SEZ6L: variants seen among roughly 807,000 people sequenced by gnomAD.
SEZ6L encodes seizure 6-like protein.
A neutral mutation model predicts 106.2 loss-of-function variants in SEZ6L; 37 were observed. The observed-to-expected ratio is 0.35, with a 90% CI of 0.27 to 0.46. The LOEUF is 0.46. Ranked by LOEUF, SEZ6L falls within the 20% of genes least tolerant of loss-of-function variation. The pLI is 1.00. For synonymous variants in SEZ6L, 541 were observed against 570.4 expected (o/e 0.95, Z 0.73); for missense variants, 1,172 against 1,332.8 (o/e 0.88, Z 1.88).
rs74389991 is a variant in SEZ6L, at chr22:26,193,005, C to A, written c.94+23242C>A. Among the ~76,000 whole-genome samples, 571 of 152,250 alleles carry A rather than the reference C, an allele frequency of 3.8e-3. 4 individuals carry two copies. The highest frequency in any genetic ancestry group is 0.012 in the African/African-American group (507 of 41,534). ...ATGATTTCAAGGGTTCACTGTAAAT[C>A]GTAATGAGTACCTACTCTAGCAGGG... is the stretch of plus-strand genomic sequence containing the variant. On this transcript the variant is annotated intron_variant, in intron 1 of 16. Coordinates refer to ENST00000248933, the MANE Select transcript of SEZ6L (RefSeq NM_021115.5).
Position 26,380,432 on chromosome 22 carries a change from A to G in SEZ6L, c.*137A>G. On this transcript the variant is annotated 3_prime_UTR_variant, in exon 17 of 17. Coordinates refer to ENST00000248933, the MANE Select transcript of SEZ6L (RefSeq NM_021115.5). ...TGTTTAGACTCTTTATCAAAGGTTT[A>G]CTGTTTTCTTCCCTGTATTTATTAT... 1.5e-6 allele frequency: 1 copy of G among 660,916 alleles called. No individual in the cohort carries two copies. Among genetic ancestry groups the G allele is most frequent in the South Asian group, 2.3e-5 (1 of 42,976 alleles). The allele number at this position is 660,916 out of a possible 1,614,324, so 40.9% of individuals were successfully genotyped here. A position where few individuals can be genotyped will look rare whatever the true frequency, so the allele number is the denominator to read the frequency against.
chr22:26,291,577 A>C (rs2081109939), intron 1 of SEZ6L, among the ~76,000 whole-genome samples: 1 of 152,172 alleles, frequency 6.6e-6, no homozygotes, highest in South Asian at 2.1e-4. Context: ...CACATCCTGC[A>C]CATAGGCCCC....
chr22:26,314,327 G>A (rs953877554), intron 9 of SEZ6L, among the ~76,000 whole-genome samples: 3 of 152,220 alleles, frequency 2.0e-5, no homozygotes, highest in Non-Finnish European at 4.4e-5. Context: ...ACTAAAAGAT[G>A]AGTTGGAGTG....
rs146113381 is a variant in SEZ6L, at chr22:26,206,430, A to G, written c.94+36667A>G. Among the ~76,000 whole-genome samples the G allele has an allele frequency of 5.3e-4, 80 of 152,338 alleles. 1 individual carries two copies. The highest frequency in any genetic ancestry group is 1.7e-3 in the African/African-American group (70 of 41,564). On this transcript the variant is annotated intron_variant, in intron 1 of 16. Transcript: ENST00000248933. ...CCAGCCACTTTGTTACATCCTTTGCATGTCTTATCTTAACTACCTTTCAAA... is the reference window on the plus strand; with the variant it reads ...CCAGCCACTTTGTTACATCCTTTGCGTGTCTTATCTTAACTACCTTTCAAA...
chr22:26,223,076 T>A (rs2145728108), intron 1 of SEZ6L, among the ~76,000 whole-genome samples: 1 of 152,318 alleles, frequency 6.6e-6, no homozygotes, highest in East Asian at 1.9e-4. Context: ...TTACTTTTGT[T>A]GTGACATCTT....
intron 1 of SEZ6L, among the ~76,000 whole-genome samples, chr22:26,170,130 A>G (rs887036097): frequency 1.3e-5 from 2 of 151,870 alleles, no homozygotes; most frequent in African/African-American, 4.8e-5. Flanking sequence ...GGTGCCAGAT[A>G]ATTATCTTCC....
At chr22:26,288,292 G>A (rs1465192093) in intron 1 of SEZ6L, among the ~76,000 whole-genome samples, 1 of 152,124 alleles carries the variant, frequency 6.6e-6, no homozygotes, top group Non-Finnish European at 1.5e-5. Flanking sequence ...AACTTCCCTG[G>A]CAACTCTGAT....
chr22:26,356,817 C>G (rs933586955), intron 12 of SEZ6L, among the ~76,000 whole-genome samples: 1 of 152,110 alleles, frequency 6.6e-6, no homozygotes, highest in African/African-American at 2.4e-5. Flanking sequence ...ACAGTTAGCA[C>G]GAGCACCACA....
Position 26,180,358 on chromosome 22 carries a change from T to C in SEZ6L, c.94+10595T>C, listed in dbSNP as rs188051413. 7.9e-5 allele frequency among the ~76,000 whole-genome samples: 12 copies of C among 152,358 alleles called. No homozygotes were observed. The East Asian group carries it at 2.1e-3, about 27-fold the overall frequency. On this transcript the variant is annotated intron_variant, in intron 1 of 16. Transcript: ENST00000248933. ...AAGAATCCTATCATCATTGTAACTA[T>C]CTGTTGACTTGCCTCCCTCCGTGCT...
rs957531378 is a variant in SEZ6L at position 26,383,499 on chromosome 22, C to T, written c.*3204C>T. 3.9e-5 allele frequency: 6 copies of T among 151,986 alleles called. No individual in the cohort carries two copies. The highest frequency in any genetic ancestry group is 1.5e-4 in the African/African-American group (6 of 41,372). The allele number at this position is 151,986 out of a possible 1,614,324, so 9.4% of individuals were successfully genotyped here. On this transcript the variant is annotated 3_prime_UTR_variant, in exon 17 of 17. Coordinates refer to ENST00000248933, the MANE Select transcript of SEZ6L (RefSeq NM_021115.5). ...TTTTCATTTCCATTTTATCGCCAAACAAAATAAAAAGCAAAACAAACTTTC... is the reference window on the plus strand; with the variant it reads ...TTTTCATTTCCATTTTATCGCCAAATAAAATAAAAAGCAAAACAAACTTTC...
chr22:26,344,314 C>T (rs901871996), intron 10 of SEZ6L, among the ~76,000 whole-genome samples: 1 of 152,144 alleles, frequency 6.6e-6, no homozygotes, highest in Non-Finnish European at 1.5e-5. Context: ...TGCCCACTGT[C>T]TATGGCCAAA....
chr22:26,348,608 GAGAA>G (rs1443830686), intron 11 of SEZ6L, among the ~76,000 whole-genome samples: 24 of 45,176 alleles, frequency 5.3e-4, no homozygotes, highest in East Asian at 3.1e-3. Context: ...AAGAAAGAAA[GAGAA>G]AAAGAAAGAA....
At chr22:26,315,327 A>T (rs1409914908) in intron 9 of SEZ6L, among the ~76,000 whole-genome samples, 1 of 152,020 alleles carries the variant, frequency 6.6e-6, no homozygotes, top group African/African-American at 2.4e-5. Flanking sequence ...AAAAAAATAA[A>T]AATTAGCTGG....
chr22:26,182,196 T>A (rs1452082595), intron 1 of SEZ6L, among the ~76,000 whole-genome samples: 1 of 152,230 alleles, frequency 6.6e-6, no homozygotes, highest in South Asian at 2.1e-4. Flanking sequence ...CAAGAAATGA[T>A]TCTTATTAGC....
intron 14 of SEZ6L, among the ~76,000 whole-genome samples, chr22:26,374,005 G>A (rs1372405332): frequency 6.6e-6 from 1 of 152,036 alleles, no homozygotes; most frequent in Non-Finnish European, 1.5e-5. Context: ...TTATTAATGA[G>A]GAGCAGATGT....
chr22:26,191,851 T>C (rs1291994718), intron 1 of SEZ6L, among the ~76,000 whole-genome samples: 1 of 152,212 alleles, frequency 6.6e-6, no homozygotes, highest in Non-Finnish European at 1.5e-5. Context: ...CCATCTGGCC[T>C]CACAGGACAC....
chr22:26,372,309 C>A (rs1468852139), intron 13 of SEZ6L, among the ~76,000 whole-genome samples: 1 of 152,170 alleles, frequency 6.6e-6, no homozygotes, highest in African/African-American at 2.4e-5. Context: ...ACACATGATT[C>A]AATGCCTCCT....
intron 1 of SEZ6L, among the ~76,000 whole-genome samples, chr22:26,256,745 C>T (rs972689085): frequency 6.6e-6 from 1 of 152,208 alleles, no homozygotes; most frequent in Admixed American, 6.5e-5. Context: ...TCAGACCCTT[C>T]CGCAGACCCA....
chr22:26,174,019 C>T (rs759395832), intron 1 of SEZ6L, among the ~76,000 whole-genome samples: 30 of 152,156 alleles, frequency 2.0e-4, no homozygotes, highest in Middle Eastern at 3.2e-3. Flanking sequence ...ACTACGCATG[C>T]GGTAGACCTT....
Sources: allele counts gnomAD v4.1 joint callset (sites outside exome capture counted in the v4.1 genomes callset), GRCh38; gene constraint gnomAD v4.1.1; transcripts MANE v1.5; gene names NCBI Gene and HGNC (gene_info 2026-07-23, HGNC 2026-07-21).